ERBB4: variants seen among roughly 807,000 people sequenced by gnomAD.
The protein encoded by ERBB4 is erb-b2 receptor tyrosine kinase 4, also known as receptor tyrosine-protein kinase erbB-4.
ERBB4 carries 42 observed loss-of-function variants against 158.0 expected under a neutral mutation model. That is an observed-to-expected ratio of 0.27 (90% CI 0.21 to 0.34). ERBB4 has a LOEUF of 0.34. Among genes scored for constraint, ERBB4 ranks in the 10% least tolerant of loss-of-function variants. ERBB4 has a pLI of 1.00. For missense variants in ERBB4, 1,333 were observed against 1,624.1 expected, an observed-to-expected ratio of 0.82 and a Z score of 3.08; for synonymous variants, 583 against 558.7, an observed-to-expected ratio of 1.04 and a Z score of -0.61.
At chr2:211,783,458 G>A (rs965696594) in intron 4 of ERBB4, among the ~76,000 whole-genome samples, 6 of 152,182 alleles carry the variant, frequency 3.9e-5, no homozygotes, top group African/African-American at 1.2e-4. Context: ...TTTTCAAAGC[G>A]AATGCTTCCA....
At chr2:211,462,347 C>T (rs1005402623) in intron 20 of ERBB4, among the ~76,000 whole-genome samples, 1 of 152,066 alleles carries the variant, frequency 6.6e-6, no homozygotes, top group African/African-American at 2.4e-5. Flanking sequence ...TACAATTCGA[C>T]ATAAGATCTG....
At chr2:211,757,640 C>T (rs1214769676) in intron 4 of ERBB4, among the ~76,000 whole-genome samples, 1 of 152,170 alleles carries the variant, frequency 6.6e-6, no homozygotes, top group African/African-American at 2.4e-5. Context: ...GGGCTCAACT[C>T]CCTCCTGCTA....
intron 1 of ERBB4, among the ~76,000 whole-genome samples, chr2:212,398,535 ATAAGT>A (rs2091096720): frequency 6.6e-6 from 1 of 152,194 alleles, no homozygotes; most frequent in Admixed American, 6.5e-5. Flanking sequence ...TATTGTCACA[ATAAGT>A]TAAGAATGGC....
intron 1 of ERBB4, among the ~76,000 whole-genome samples, chr2:212,195,706 C>T (rs1449698299): frequency 6.6e-6 from 1 of 151,992 alleles, no homozygotes; most frequent in Non-Finnish European, 1.5e-5. Flanking sequence ...AAAAACATGG[C>T]TTACCATATC....
intron 1 of ERBB4, among the ~76,000 whole-genome samples, chr2:212,214,656 A>G (rs1288042875): frequency 7.0e-6 from 1 of 142,152 alleles, no homozygotes; most frequent in Non-Finnish European, 1.5e-5. Flanking sequence ...TGCTGATGGA[A>G]GTGTAAATTT....
At chr2:212,203,521 C>T (rs2082648458) in intron 1 of ERBB4, among the ~76,000 whole-genome samples, 1 of 152,156 alleles carries the variant, frequency 6.6e-6, no homozygotes, top group South Asian at 2.1e-4. Context: ...GATGGGAAGG[C>T]ACTGGGAAAG....
chr2:212,354,412 G>C (rs2106347769), intron 1 of ERBB4, among the ~76,000 whole-genome samples: 1 of 152,172 alleles, frequency 6.6e-6, no homozygotes, highest in African/African-American at 2.4e-5. Context: ...GAGAAGGGTA[G>C]CAAATGTAAA....
intron 2 of ERBB4, among the ~76,000 whole-genome samples, chr2:212,070,252 TG>T (rs1323889516): frequency 1.3e-5 from 2 of 152,076 alleles, no homozygotes; most frequent in Admixed American, 6.6e-5. Context: ...TAAAGGCATA[TG>T]TTTTTTAAAG....
chr2:212,143,483 G>T lies in ERBB4; in HGVS notation c.83-18580C>A, dbSNP rs147009362. Among the ~76,000 whole-genome samples, 759 of 152,128 alleles carry T rather than the reference G, an allele frequency of 5.0e-3. 10 individuals are homozygous for T. Among genetic ancestry groups the T allele is most frequent in the African/African-American group, 0.017 (691 of 41,488 alleles). On this transcript the variant is annotated intron_variant, in intron 1 of 27. Transcript: ENST00000342788. ...AATTTTGGGTATCCTGGGAAAAAAA[G>T]GAACTTCTGAGAAATGTTCTAAAAT...
At chr2:212,083,861 A>T (rs1037515086) in intron 2 of ERBB4, among the ~76,000 whole-genome samples, 1 of 151,340 alleles carries the variant, frequency 6.6e-6, no homozygotes, top group Non-Finnish European at 1.5e-5. Context: ...AGAACAACGC[A>T]TATCTTTATA....
chr2:211,991,600 T>C (rs2082076364), intron 2 of ERBB4, among the ~76,000 whole-genome samples: 5 of 152,142 alleles, frequency 3.3e-5, no homozygotes, highest in Admixed American at 2.0e-4. Context: ...TTTTCCAAGA[T>C]AATAGACTTA....
At chr2:211,758,893 A>G (rs558846728) in intron 4 of ERBB4, among the ~76,000 whole-genome samples, 63 of 152,224 alleles carry the variant, frequency 4.1e-4, no homozygotes, top group Non-Finnish European at 7.1e-4. Flanking sequence ...GCACTCTCCA[A>G]AATTTGTATG....
At chr2:212,318,170 G>A (rs528366867) in intron 1 of ERBB4, among the ~76,000 whole-genome samples, 3 of 151,588 alleles carry the variant, frequency 2.0e-5, no homozygotes, top group East Asian at 2.0e-4. Flanking sequence ...TCACACAGCC[G>A]GTAAGAGGGA....
At chr2:211,803,797 T>C (rs1423041446) in intron 3 of ERBB4, among the ~76,000 whole-genome samples, 1 of 152,188 alleles carries the variant, frequency 6.6e-6, no homozygotes, top group Non-Finnish European at 1.5e-5. Context: ...ACTACATCAA[T>C]AACCAGACTG....
intron 1 of ERBB4, among the ~76,000 whole-genome samples, chr2:212,282,864 C>T (rs1490527105): frequency 6.6e-6 from 1 of 151,810 alleles, no homozygotes; most frequent in Non-Finnish European, 1.5e-5. Context: ...GCAAAATGTA[C>T]CTATTGTAAA....
In ERBB4 at chr2:211,383,446, C is replaced by G. The variant is rs992718757; in HGVS notation, c.*169G>C. 2 of 624,712 alleles carry G rather than the reference C, an allele frequency of 3.2e-6. No homozygotes were observed. Among genetic ancestry groups the G allele is most frequent in the African/African-American group, 3.7e-5 (2 of 54,386 alleles). The allele number at this position is 624,712 out of a possible 1,614,324, so 38.7% of individuals were successfully genotyped here. A position where few individuals can be genotyped will look rare whatever the true frequency, so the allele number is the denominator to read the frequency against. On this transcript the variant is annotated 3_prime_UTR_variant, in exon 28 of 28. Coordinates refer to ENST00000342788, the MANE Select transcript of ERBB4 (RefSeq NM_005235.3). ...TATCTTTCTCTTTCAGTCTTTCCCT[C>G]TAATGTTCAAGTTAGGTAAGCACAT...
intron 9 of ERBB4, 73 bp from the exon 10 acceptor site, chr2:211,705,464 TATTTTATTCAA>T: frequency 1.0e-6 from 1 of 969,678 alleles, no homozygotes; most frequent in Non-Finnish European, 1.7e-6. Flanking sequence ...AATGTGACAA[TATTTTATTCAA>T]ATTTAATTTT....
intron 17 of ERBB4, 53 bp from the exon 18 acceptor site, chr2:211,624,097 CTCTCTG>C (rs2125858964): frequency 1.9e-6 from 3 of 1,606,354 alleles, no homozygotes; most frequent in Non-Finnish European, 2.6e-6. Flanking sequence ...TCAGTCCTCT[CTCTCTG>C]TCTCTCTCTC....
At chr2:212,524,304 A>C (rs1692329951) in intron 1 of ERBB4, among the ~76,000 whole-genome samples, 1 of 151,970 alleles carries the variant, frequency 6.6e-6, no homozygotes, top group African/African-American at 2.4e-5. Flanking sequence ...TCTACCACAA[A>C]TGAAAATTGT....
Sources: allele counts gnomAD v4.1 joint callset (sites outside exome capture counted in the v4.1 genomes callset), GRCh38; gene constraint gnomAD v4.1.1; transcripts MANE v1.5; gene names NCBI Gene and HGNC (gene_info 2026-07-23, HGNC 2026-07-21).